WNT8B: variants seen among roughly 807,000 people sequenced by gnomAD.
WNT8B encodes Wnt family member 8B.
In WNT8B, 24 loss-of-function variants were observed where a neutral mutation model predicts 36.6. The observed-to-expected ratio is 0.66, with a 90% CI of 0.48 to 0.92. The LOEUF is 0.92. Ranked by LOEUF, WNT8B falls within the 40% of genes least tolerant of loss-of-function variation. The pLI is 0.00. For synonymous variants in WNT8B, 199 were observed against 189.8 expected, an observed-to-expected ratio of 1.05 and a Z score of -0.40; for missense variants, 402 against 470.8, an observed-to-expected ratio of 0.85 and a Z score of 1.35.
intron 1 of WNT8B, among the ~76,000 whole-genome samples, chr10:100,472,878 G>T (rs535815755): frequency 6.6e-6 from 1 of 152,282 alleles, no homozygotes; most frequent in East Asian, 1.9e-4. Context: ...TGTTACTCTT[G>T]TAGTTGATCA....
chr10:100,472,362 T>C (rs1212733008), intron 1 of WNT8B, among the ~76,000 whole-genome samples: 1 of 151,932 alleles, frequency 6.6e-6, no homozygotes, highest in Non-Finnish European at 1.5e-5. Context: ...CCTCCCAAAG[T>C]GCTGGGATTA....
At chr10:100,469,253 A>G (rs1204101892) in intron 1 of WNT8B, among the ~76,000 whole-genome samples, 1 of 152,018 alleles carries the variant, frequency 6.6e-6, no homozygotes, top group African/African-American at 2.4e-5. Flanking sequence ...TCCTCCCCCA[A>G]CCAGTTAGCA....
At chr10:100,478,567 T>G (rs10883500) in intron 1 of WNT8B, among the ~76,000 whole-genome samples, 32,242 of 151,690 alleles carry the variant, frequency 0.21, 3,470 homozygotes, top group South Asian at 0.23. Flanking sequence ...CTACTAAGTT[T>G]TATGTGTGTG....
chr10:100,463,195 C>T lies in WNT8B; in HGVS notation c.27C>T (p.Tyr9=). The T allele has an allele frequency of 6.2e-7, 1 of 1,614,016 alleles. No homozygotes were observed. Among genetic ancestry groups the T allele is most frequent in the Non-Finnish European group, 8.5e-7 (1 of 1,179,960 alleles). ...TGTTTCTTTCAAAGCCTTCTGTGTA[C>T]ATCTGTCTTTTCACCTGTGTCCTCC... The part of the protein sequence containing the change: MFLSKPSV[Y]ICLFTCVLQL... The change falls in exon 1 of 6, where the codon TAC becomes TAT. Residue 9 remains tyrosine (Y), a synonymous_variant. Coordinates refer to ENST00000343737, the MANE Select transcript of WNT8B (RefSeq NM_003393.4).
At chr10:100,467,370 A>G (rs185839285) in intron 1 of WNT8B, among the ~76,000 whole-genome samples, 8 of 152,268 alleles carry the variant, frequency 5.3e-5, no homozygotes, top group African/African-American at 1.9e-4. Flanking sequence ...TGGTACCAGC[A>G]CATTATGGGG....
chr10:100,480,936 T>G, intron 3 of WNT8B, 62 bp from the exon 4 acceptor site: 1 of 1,570,586 alleles, frequency 6.4e-7, no homozygotes, highest in African/African-American at 1.4e-5. Flanking sequence ...AAAGGTAGCA[T>G]GTCTGGTATT....
intron 1 of WNT8B, among the ~76,000 whole-genome samples, chr10:100,465,206 G>A (rs1340927556): frequency 6.6e-6 from 1 of 152,126 alleles, no homozygotes; most frequent in Non-Finnish European, 1.5e-5. Context: ...GTTTTACTAG[G>A]TAAATCAGTA....
At chr10:100,464,280 A>G (rs1204955265) in intron 1 of WNT8B, among the ~76,000 whole-genome samples, 4 of 152,218 alleles carry the variant, frequency 2.6e-5, no homozygotes, top group African/African-American at 7.2e-5. Context: ...AGTTAATACA[A>G]TAATTTGCAA....
At chr10:100,481,329 C>T (rs932024449) in intron 4 of WNT8B, among the ~76,000 whole-genome samples, 2 of 152,096 alleles carry the variant, frequency 1.3e-5, no homozygotes, top group African/African-American at 2.4e-5. Context: ...GAGTAGTTTC[C>T]TTAATTTAAA....
chr10:100,481,821 C>T, intron 4 of WNT8B, 91 bp from the exon 5 acceptor site: 1 of 1,509,134 alleles, frequency 6.6e-7, no homozygotes, highest in Non-Finnish European at 9.0e-7. Flanking sequence ...CTATCCTGGA[C>T]CCCCCCACCC....
rs2133660758 is a variant in WNT8B at position 100,483,430 on chromosome 10, T to A, written c.*614T>A. 6.6e-6 allele frequency: 1 copy of A among 152,068 alleles called. No homozygotes were observed. The highest frequency in any genetic ancestry group is 2.4e-5 in the African/African-American group (1 of 41,462). 9.4% of individuals were successfully genotyped at this position (152,068 alleles called of 1,614,324 possible). A position where few individuals can be genotyped will look rare whatever the true frequency, so the allele number is the denominator to read the frequency against. ...GAAGATGGAAGAGGGAGCTCTGGAG[T>A]GCTAACTTGAACACCAAGGGTGCTA... On this transcript the variant is annotated 3_prime_UTR_variant, in exon 6 of 6. Transcript: ENST00000343737.
intron 1 of WNT8B, among the ~76,000 whole-genome samples, chr10:100,474,763 C>T (rs2133654538): frequency 6.6e-6 from 1 of 151,462 alleles, no homozygotes; most frequent in South Asian, 2.1e-4. Flanking sequence ...CGGGGTTTCA[C>T]CATTTTGGTC....
intron 1 of WNT8B, among the ~76,000 whole-genome samples, chr10:100,470,430 T>A (rs1850963254): frequency 6.6e-6 from 1 of 152,188 alleles, no homozygotes. Flanking sequence ...AGAGTCTCAC[T>A]CTGTTGCCCA....
intron 1 of WNT8B, among the ~76,000 whole-genome samples, chr10:100,467,406 C>T (rs535590384): frequency 2.2e-4 from 34 of 152,208 alleles, no homozygotes; most frequent in African/African-American, 7.9e-4. Flanking sequence ...CCCAATAAGA[C>T]CCTATAAGAG....
intron 1 of WNT8B, among the ~76,000 whole-genome samples, chr10:100,465,539 C>T (rs1850899372): frequency 6.6e-6 from 1 of 152,212 alleles, no homozygotes; most frequent in South Asian, 2.1e-4. Context: ...GTGGGTCTTA[C>T]CCAGTTCTGT....
In WNT8B at chr10:100,481,880, C is replaced by A. The variant is rs751096841; in HGVS notation, c.368-32C>A. The A allele has an allele frequency of 1.6e-5, 26 of 1,612,766 alleles. No homozygotes were observed. The East Asian group carries it at 5.8e-4, about 36-fold the overall frequency. On this transcript the variant is annotated intron_variant, in intron 4 of 5. Coordinates refer to ENST00000343737, the MANE Select transcript of WNT8B (RefSeq NM_003393.4). The stretch of plus-strand genomic sequence containing the variant: ...CCAGGAGGCTCTGCGCCCGCTTGCT[C>A]AATGACCTGTCCTCCCTCTGCACTT...
chr10:100,478,050 C>T (rs1851061981), intron 1 of WNT8B, among the ~76,000 whole-genome samples: 1 of 151,750 alleles, frequency 6.6e-6, no homozygotes, highest in Admixed American at 6.6e-5. Flanking sequence ...TCCCAAAGTG[C>T]TGGGATTATG....
chr10:100,482,341 G>A lies in WNT8B; in HGVS notation c.581G>A (p.Cys194Tyr), dbSNP rs1287740151. Reference protein sequence around the residue: ...GVSGSCTTQTCWLQLPEFREV... With the variant: ...GVSGSCTTQTYWLQLPEFREV... ...TCTGGCAGCTGCACCACGCAGACCT[G>A]TTGGCTGCAGCTGCCCGAGTTCCGC... The change falls in exon 6 of 6, where the codon TGT (cysteine) becomes TAT (tyrosine). Residue 194 changes from cysteine to tyrosine, a missense_variant. Coordinates refer to ENST00000343737, the MANE Select transcript of WNT8B (RefSeq NM_003393.4). This position sits in a 1 kb window ranked among gnomAD's most constrained non-coding sequence, Gnocchi z 6.6. The A allele has an allele frequency of 6.2e-7, 1 of 1,603,948 alleles. No individual in the cohort carries two copies. The highest frequency in any genetic ancestry group is 8.5e-7 in the Non-Finnish European group (1 of 1,179,854).
chr10:100,466,536 C>T (rs932317878), intron 1 of WNT8B, among the ~76,000 whole-genome samples: 1 of 152,060 alleles, frequency 6.6e-6, no homozygotes, highest in African/African-American at 2.4e-5. Context: ...TGGGAAAAGA[C>T]ACTTCATTAC....
Sources: allele counts gnomAD v4.1 joint callset (sites outside exome capture counted in the v4.1 genomes callset), GRCh38; gene constraint gnomAD v4.1.1; non-coding constraint Gnocchi (gnomAD v3.1); transcripts MANE v1.5; gene names NCBI Gene and HGNC (gene_info 2026-07-23, HGNC 2026-07-21).